POLGARF: variants seen among roughly 807,000 people sequenced by gnomAD.
POLGARF encodes POLG alternative reading frame.
the POLGARF span, chr15:89,333,764 A>G: frequency 1.3e-6 from 2 of 1,535,018 alleles, no homozygotes; most frequent in South Asian, 2.4e-5. Context: ...TGGTTGGTGC[A>G]GGGACCCCCA....
At chr15:89,333,612 T>TGCTGCTGCTGCTGCTGCCGCC in the POLGARF span, 1 of 1,600,120 alleles carries the variant, frequency 6.2e-7, no homozygotes, top group Non-Finnish European at 8.5e-7. Flanking sequence ...CTGCTGCTGC[T>TGCTGCTGCTGCTGCTGCCGCC]GCTGCTGCTG....
the POLGARF span, chr15:89,333,295 C>G: frequency 1.3e-6 from 2 of 1,552,864 alleles, no homozygotes; most frequent in Non-Finnish European, 1.7e-6. Flanking sequence ...AGCAAGTTGG[C>G]CGCCTCCAGG....
chr15:89,330,684 G>T, the POLGARF span, among the ~76,000 whole-genome samples: 2 of 151,698 alleles, frequency 1.3e-5, no homozygotes, highest in African/African-American at 4.9e-5. Context: ...TACTAGTAAA[G>T]GAGATAGACA....
At chr15:89,330,445 G>C in the POLGARF span, among the ~76,000 whole-genome samples, 7 of 152,322 alleles carry the variant, frequency 4.6e-5, no homozygotes, top group East Asian at 1.4e-3. Flanking sequence ...AGGTGTGGCA[G>C]GGTGGGTGTG....
chr15:89,332,007 C>G, the POLGARF span, among the ~76,000 whole-genome samples: 40 of 152,244 alleles, frequency 2.6e-4, 2 homozygotes, highest in East Asian at 2.5e-3. Context: ...CTAAAATGAC[C>G]GACAGATCAA....
chr15:89,330,405 G>A, the POLGARF span: 1 of 766,288 alleles, frequency 1.3e-6, no homozygotes, highest in East Asian at 2.7e-5. Flanking sequence ...TGAGACCAAA[G>A]GGTGCTCCTA....
the POLGARF span, chr15:89,332,300 A>G: frequency 5.9e-5 from 9 of 152,248 alleles, no homozygotes; most frequent in African/African-American, 1.9e-4. Context: ...GTAGCTTCCA[A>G]TAGGAATAAA....
chr15:89,332,323 T>A, the POLGARF span: 2 of 152,196 alleles, frequency 1.3e-5, no homozygotes, highest in African/African-American at 4.8e-5. Context: ...AACTGCCAAC[T>A]TTTTTGCTGG....
chr15:89,333,295 C>T, the POLGARF span: 136 of 1,552,864 alleles, frequency 8.8e-5, no homozygotes, highest in Middle Eastern at 3.3e-4. Context: ...AGCAAGTTGG[C>T]CGCCTCCAGG....
the POLGARF span, among the ~76,000 whole-genome samples, chr15:89,330,821 T>TCA: frequency 6.8e-6 from 1 of 147,280 alleles, no homozygotes; most frequent in South Asian, 2.2e-4. Context: ...AAAGAGCAAA[T>TCA]CACACACCTT....
the POLGARF span, chr15:89,333,636 CGCT>C: frequency 1.0e-5 from 16 of 1,586,322 alleles, no homozygotes; most frequent in East Asian, 1.1e-4. Flanking sequence ...CTGCCGCCGC[CGCT>C]GCCCGTCGCT....
chr15:89,333,418 A>C, the POLGARF span: 15 of 1,606,796 alleles, frequency 9.3e-6, no homozygotes, highest in East Asian at 2.9e-4. Flanking sequence ...GGCTGCCCCC[A>C]GAGCCCGTGC....
the POLGARF span, chr15:89,333,067 C>T: frequency 1.3e-6 from 2 of 1,504,924 alleles, no homozygotes; most frequent in Non-Finnish European, 1.8e-6. Context: ...CCCATGCCTG[C>T]TTATGTCCCC....
chr15:89,330,886 T>C, the POLGARF span, among the ~76,000 whole-genome samples: 2 of 151,838 alleles, frequency 1.3e-5, no homozygotes, highest in Admixed American at 6.6e-5. Context: ...TGAGAAAATG[T>C]ATGTGTATGT....
chr15:89,331,040 A>G, the POLGARF span, among the ~76,000 whole-genome samples: 1 of 152,222 alleles, frequency 6.6e-6, no homozygotes, highest in South Asian at 2.1e-4. Context: ...GTTGCAAGCC[A>G]CAGATTATTC....
At chr15:89,333,575 T>G in the POLGARF span, 1 of 1,609,964 alleles carries the variant, frequency 6.2e-7, no homozygotes, top group Non-Finnish European at 8.5e-7. Context: ...AGGATAGCAC[T>G]TGCGGCTGCT....
chr15:89,330,699 C>G, the POLGARF span, among the ~76,000 whole-genome samples: 1 of 149,968 alleles, frequency 6.7e-6, no homozygotes, highest in Admixed American at 6.6e-5. Context: ...TAGACAATAA[C>G]AGAACCCAAG....
At chr15:89,333,154 C>A in the POLGARF span, 2 of 1,544,346 alleles carry the variant, frequency 1.3e-6, no homozygotes, top group South Asian at 1.2e-5. Flanking sequence ...GCCAAGCAGA[C>A]CTCCACGTCG....
At chr15:89,333,128 G>A in the POLGARF span, 1 of 1,525,166 alleles carries the variant, frequency 6.6e-7, no homozygotes, top group Non-Finnish European at 8.8e-7. Context: ...CCGCCAATGT[G>A]GGGCAAGTTC....
Sources: allele counts gnomAD v4.1 joint callset (sites outside exome capture counted in the v4.1 genomes callset), GRCh38; gene constraint gnomAD v4.1.1; transcripts MANE v1.5; gene names NCBI Gene and HGNC (gene_info 2026-07-23, HGNC 2026-07-21).